FRMPD2: variants seen among roughly 807,000 people sequenced by gnomAD.
The protein encoded by FRMPD2 is FERM and PDZ domain-containing protein 2.
In FRMPD2, 96 loss-of-function variants were observed where a neutral mutation model predicts 140.1. The ratio of observed to expected loss-of-function variants is 0.69; its 90% CI spans 0.58 to 0.81. The LOEUF (loss-of-function observed/expected upper bound fraction) is 0.81. Ranked by LOEUF, FRMPD2 falls within the 40% of genes least tolerant of loss-of-function variation. The pLI, the probability that FRMPD2 is intolerant of heterozygous loss-of-function variation, is 0.00. For synonymous variants in FRMPD2, 449 were observed against 547.6 expected, an observed-to-expected ratio of 0.82 and a Z score of 2.52; for missense variants, 1,240 against 1,447.4, an observed-to-expected ratio of 0.86 and a Z score of 2.32.
chr10:48,274,508 T>C, intron 1 of FRMPD2, 35 bp downstream of exon 1: 1 of 1,609,282 alleles, frequency 6.2e-7, no homozygotes, highest in Non-Finnish European at 8.5e-7. Context: ...CCTGACCAGA[T>C]TTATAGGAGA....
At chr10:48,221,741 A>G (rs140404838) in intron 12 of FRMPD2, among the ~76,000 whole-genome samples, 25 of 152,362 alleles carry the variant, frequency 1.6e-4, no homozygotes, top group African/African-American at 5.5e-4. Flanking sequence ...ATTACTGAGT[A>G]TAAACTGGAT....
chr10:48,229,792 T>C (rs1376883871), intron 10 of FRMPD2, among the ~76,000 whole-genome samples: 1 of 152,172 alleles, frequency 6.6e-6, no homozygotes, highest in African/African-American at 2.4e-5. Context: ...GTCCTTATCA[T>C]CCATGGAATG....
intron 9 of FRMPD2, among the ~76,000 whole-genome samples, chr10:48,235,907 C>T (rs1054180411): frequency 1.3e-5 from 2 of 152,094 alleles, no homozygotes; most frequent in South Asian, 2.1e-4. Flanking sequence ...TTTGCCCTTC[C>T]TGAAAAGCCC....
chr10:48,268,440 T>G (rs942907053), intron 1 of FRMPD2, among the ~76,000 whole-genome samples: 27 of 152,250 alleles, frequency 1.8e-4, no homozygotes, highest in African/African-American at 6.5e-4. Flanking sequence ...AAGCTGCATG[T>G]GAACGTGTGT....
Position 48,187,368 on chromosome 10 carries a change from G to C in FRMPD2, c.2166-76C>G. 3.2e-6 allele frequency: 4 copies of C among 1,264,740 alleles called. No individual in the cohort carries two copies. In the South Asian group the frequency reaches 5.1e-5, roughly 16 times the overall value. 78.3% of individuals were successfully genotyped at this position (1,264,740 alleles called of 1,614,324 possible). A position where few individuals can be genotyped will look rare whatever the true frequency, so the allele number is the denominator to read the frequency against. ...AGTGAGGTTAGATAAGGTGGCTCAG[G>C]GAGGCAACTTCTTGGCATTTCTGAG... On this transcript the variant is annotated intron_variant, in intron 16 of 28. Coordinates refer to ENST00000374201, the MANE Select transcript of FRMPD2 (RefSeq NM_001018071.4).
At chr10:48,239,743 T>C in intron 6 of FRMPD2, 51 bp from the exon 7 acceptor site, 1 of 1,403,392 alleles carries the variant, frequency 7.1e-7, no homozygotes, top group Non-Finnish European at 1.0e-6. Context: ...GATCACGGCT[T>C]TCTTAAATCA....
intron 5 of FRMPD2, among the ~76,000 whole-genome samples, chr10:48,241,092 T>C (rs889169424): frequency 1.3e-5 from 2 of 152,120 alleles, no homozygotes; most frequent in African/African-American, 4.8e-5. Flanking sequence ...ATCTTTCAAA[T>C]AAATATAGTC....
chr10:48,266,268 T>C (rs772271749), intron 1 of FRMPD2, among the ~76,000 whole-genome samples: 1 of 152,182 alleles, frequency 6.6e-6, no homozygotes, highest in Non-Finnish European at 1.5e-5. Context: ...TATTGTGTCC[T>C]AGGCTTAGTA....
intron 16 of FRMPD2, among the ~76,000 whole-genome samples, chr10:48,190,196 G>T (rs1471823370): frequency 6.6e-6 from 1 of 152,130 alleles, no homozygotes; most frequent in East Asian, 1.9e-4. Flanking sequence ...AGTGGTGGGG[G>T]GCAGTTCCAT....
chr10:48,255,081 G>A (rs1176173681), intron 1 of FRMPD2, among the ~76,000 whole-genome samples: 1 of 151,848 alleles, frequency 6.6e-6, no homozygotes, highest in African/African-American at 2.4e-5. Context: ...CCAGTCAATG[G>A]GCATTTTGGG....
chr10:48,176,354 T>A (rs1838409940), intron 22 of FRMPD2: 1 of 153,786 alleles, frequency 6.5e-6, no homozygotes, highest in South Asian at 1.9e-4. Context: ...TTATAATACA[T>A]GTTGCCAGAT....
intron 15 of FRMPD2, among the ~76,000 whole-genome samples, chr10:48,193,380 CTGGTAATCATATTT>C (rs763967696): frequency 1.4e-4 from 22 of 152,162 alleles, no homozygotes; most frequent in Non-Finnish European, 2.4e-4. Flanking sequence ...GTAGTTTGCC[CTGGTAATCATATTT>C]AATACAAGGT....
At chr10:48,183,074 C>T (rs932232964) in intron 20 of FRMPD2, among the ~76,000 whole-genome samples, 2 of 152,134 alleles carry the variant, frequency 1.3e-5, no homozygotes, top group African/African-American at 4.8e-5. Flanking sequence ...AGCTTCTGGA[C>T]AGGGGAGCTG....
intron 23 of FRMPD2, chr10:48,175,184 T>C (rs1379484244): frequency 3.9e-5 from 19 of 484,218 alleles, no homozygotes; most frequent in Middle Eastern, 6.0e-4. Context: ...CTTTCTATTA[T>C]TGGCTCACAG....
At chr10:48,240,607 G>A (rs1840085148) in intron 5 of FRMPD2, 115 bp from the exon 6 acceptor site, 1 of 1,407,648 alleles carries the variant, frequency 7.1e-7, no homozygotes, top group African/African-American at 1.4e-5. Flanking sequence ...GCCCTATACG[G>A]TGACCTAAAG....
At chr10:48,213,588 T>C (rs897815122) in intron 12 of FRMPD2, among the ~76,000 whole-genome samples, 1 of 152,096 alleles carries the variant, frequency 6.6e-6, no homozygotes, top group African/African-American at 2.4e-5. Context: ...TGTCCCTCAG[T>C]GGGTGAATGG....
At chr10:48,161,379 T>A (rs1244335134) in intron 28 of FRMPD2, among the ~76,000 whole-genome samples, 1 of 150,898 alleles carries the variant, frequency 6.6e-6, no homozygotes, top group Non-Finnish European at 1.5e-5. Context: ...AATGTGATGT[T>A]TGATGCAAAA....
At chr10:48,201,669 C>A in intron 14 of FRMPD2, 1 of 237,354 alleles carries the variant, frequency 4.2e-6, no homozygotes, top group Non-Finnish European at 8.2e-6. Flanking sequence ...GGTATATTGA[C>A]CTCAGCAAGG....
intron 22 of FRMPD2, among the ~76,000 whole-genome samples, chr10:48,177,052 A>G (rs1195258910): frequency 2.6e-5 from 4 of 151,810 alleles, no homozygotes; most frequent in African/African-American, 9.7e-5. Flanking sequence ...AGTTAAATCC[A>G]ACAATGACAT....
Sources: allele counts gnomAD v4.1 joint callset (sites outside exome capture counted in the v4.1 genomes callset), GRCh38; gene constraint gnomAD v4.1.1; transcripts MANE v1.5; gene names NCBI Gene and HGNC (gene_info 2026-07-23, HGNC 2026-07-21).